Variants in PIEZO1 observed in about 807,000 individuals in gnomAD.
The protein encoded by PIEZO1 is piezo-type mechanosensitive ion channel component 1.
In PIEZO1, 296 loss-of-function variants were observed where a neutral mutation model predicts 297.2. The ratio of observed to expected loss-of-function variants is 1.00; its 90% CI spans 0.91 to 1.10. The LOEUF is 1.10. Among genes scored for constraint, PIEZO1 ranks in the 50% least tolerant of loss-of-function variants. The pLI, the probability that PIEZO1 is intolerant of heterozygous loss-of-function variation, is 0.00. For synonymous variants in PIEZO1, 2,427 were observed against 1,507.5 expected (o/e 1.61, Z -14.13); for missense variants, 5,018 against 3,455.5 (o/e 1.45, Z -11.34).
intron 1 of PIEZO1, among the ~76,000 whole-genome samples, chr16:88,756,651 C>CCAG (rs1426616857): frequency 6.6e-6 from 1 of 152,052 alleles, no homozygotes; most frequent in African/African-American, 2.4e-5. Context: ...GCCTGTAGTC[C>CCAG]CAGCTACTTG....
intron 22 of PIEZO1, among the ~76,000 whole-genome samples, chr16:88,729,661 A>G: frequency 6.9e-6 from 1 of 145,450 alleles, no homozygotes; most frequent in South Asian, 2.2e-4. Context: ...CGCGACCCAA[A>G]AACAAAGTGA....
chr16:88,744,194 G>A (rs74033385), intron 2 of PIEZO1: 2,047 of 154,404 alleles, frequency 0.013, 49 homozygotes, highest in African/African-American at 0.045. Context: ...TGAGAACACC[G>A]ACCCAGGGAA....
At chr16:88,781,092 C>T (rs1195431574) in intron 1 of PIEZO1, among the ~76,000 whole-genome samples, 2 of 152,268 alleles carry the variant, frequency 1.3e-5, no homozygotes, top group Non-Finnish European at 2.9e-5. Flanking sequence ...GCGGCTCTCA[C>T]TGGACCCTGA....
At position 88,722,218 on chromosome 16, in the gene PIEZO1, C is replaced by T; in HGVS notation, c.4955G>A (p.Arg1652Lys). ...MRTASELLLD[R>K]RLRIPELEEA... ...GGTGTTGTGCGCGTCCCGCCCCCAC[C>T]TGTCCAGGAGCAGCTCGCTGGCCGT... The change falls in exon 36 of 51, where the codon AGG becomes AAG. Residue 1652 changes from arginine (R) to lysine (K), a missense_variant and splice_region_variant. Arg to Lys is a conservative substitution (Grantham distance 26). Transcript: ENST00000301015. 1.9e-6 allele frequency: 3 copies of T among 1,545,932 alleles called. No individual in the cohort carries two copies. Among genetic ancestry groups the T allele is most frequent in the Non-Finnish European group, 2.6e-6 (3 of 1,146,580 alleles).
At chr16:88,784,802 CGCA>C in intron 1 of PIEZO1, 96 bp downstream of exon 1, 2 of 875,410 alleles carry the variant, frequency 2.3e-6, no homozygotes, top group South Asian at 2.3e-5. Context: ...CCCGCTCGCC[CGCA>C]GCCCTCGCCC....
rs147068633 is a variant in PIEZO1 at position 88,718,166 on chromosome 16, G to A, written c.6472-955C>T. 74 of 176,742 alleles carry A rather than the reference G, an allele frequency of 4.2e-4. No homozygotes were observed. In the East Asian group the frequency reaches 9.4e-3, roughly 23 times the overall value. The allele number at this position is 176,742 out of a possible 1,614,324, so 10.9% of individuals were successfully genotyped here. ...AGCACATGAAAAGACGCTCAGCGTC[G>A]GTCAACAGGGAACTGAGAAGAGCCC... On this transcript the variant is annotated intron_variant, in intron 44 of 50. Coordinates refer to ENST00000301015, the MANE Select transcript of PIEZO1 (RefSeq NM_001142864.4).
intron 39 of PIEZO1, 69 bp downstream of exon 39, chr16:88,721,097 G>A (rs180774313): frequency 6.1e-5 from 85 of 1,394,472 alleles, no homozygotes; most frequent in South Asian, 1.2e-4. Context: ...ATCTGAGAAA[G>A]ACCCTCCCTG....
chr16:88,752,590 C>T (rs1481434283), intron 1 of PIEZO1, among the ~76,000 whole-genome samples: 3 of 152,162 alleles, frequency 2.0e-5, no homozygotes, highest in Admixed American at 6.5e-5. Flanking sequence ...GGGGCTGGGG[C>T]TGGAGATGAG....
At position 88,742,433 on chromosome 16, in the gene PIEZO1, G is replaced by A. The variant is rs746900933; in HGVS notation, c.161-11C>T. 1.3e-6 allele frequency: 2 copies of A among 1,534,056 alleles called. No individual in the cohort carries two copies. Among genetic ancestry groups the A allele is most frequent in the Middle Eastern group, 1.9e-4 (1 of 5,284 alleles). ...GGCGGCCTGTGTGACCTGCGGCAGA[G>A]CGAGTGGGTGAGGCTGGTCCCGGGG... On this transcript the variant is annotated splice_polypyrimidine_tract_variant and intron_variant, in intron 2 of 50. Coordinates refer to ENST00000301015, the MANE Select transcript of PIEZO1 (RefSeq NM_001142864.4).
chr16:88,742,748 CAGT>C, intron 2 of PIEZO1: 1 of 369,684 alleles, frequency 2.7e-6, no homozygotes, highest in South Asian at 2.4e-5. Context: ...TGTCACCGTT[CAGT>C]TGTGGAAGCA....
intron 1 of PIEZO1, among the ~76,000 whole-genome samples, chr16:88,757,135 G>T (rs1906702924): frequency 6.6e-6 from 1 of 152,200 alleles, no homozygotes; most frequent in Non-Finnish European, 1.5e-5. Context: ...CTGGGGAAGG[G>T]AAGGGCTGAG....
Position 88,715,602 on chromosome 16 carries a change from C to G in PIEZO1, c.*3G>C. ...CTTCCCTCTCGGGCGCCAGCAGCAG[C>G]TCCTACTCCTTCTCACGAGTCCACT... On this transcript the variant is annotated 3_prime_UTR_variant, in exon 51 of 51. Transcript: ENST00000301015. The G allele has an allele frequency of 9.7e-6, 15 of 1,549,332 alleles. No individual in the cohort carries two copies. The highest frequency in any genetic ancestry group is 1.3e-5 in the Non-Finnish European group (15 of 1,146,664).
chr16:88,736,021 G>A, intron 12 of PIEZO1, 127 bp downstream of exon 12: 5 of 949,674 alleles, frequency 5.3e-6, no homozygotes, highest in Non-Finnish European at 6.2e-6. Context: ...GTGGGCAGAA[G>A]GGGACAGACA....
Position 88,715,397 on chromosome 16 carries a change from C to G in PIEZO1, c.*208G>C. ...TAATTAAAAAAAAAACTCTACAGTACACGTGGGGGACGGCAGCGCCACGCA... is the reference window on the plus strand; with the variant it reads ...TAATTAAAAAAAAAACTCTACAGTAGACGTGGGGGACGGCAGCGCCACGCA... On this transcript the variant is annotated 3_prime_UTR_variant, in exon 51 of 51. Transcript: ENST00000301015. 9.8e-7 allele frequency: 1 copy of G among 1,021,106 alleles called. No homozygotes were observed. Among genetic ancestry groups the G allele is most frequent in the Non-Finnish European group, 1.4e-6 (1 of 713,382 alleles). The allele number at this position is 1,021,106 out of a possible 1,614,324, so 63.3% of individuals were successfully genotyped here. A position where few individuals can be genotyped will look rare whatever the true frequency, so the allele number is the denominator to read the frequency against.
rs1279174615 is a variant in PIEZO1, at chr16:88,724,008, C to A, written c.4235-37G>T. The A allele has an allele frequency of 3.9e-6, 5 of 1,268,950 alleles. No homozygotes were observed. In the East Asian group the frequency reaches 1.0e-4, roughly 26 times the overall value. 78.6% of individuals were successfully genotyped at this position (1,268,950 alleles called of 1,614,324 possible). On this transcript the variant is annotated intron_variant, in intron 30 of 50. Coordinates refer to ENST00000301015, the MANE Select transcript of PIEZO1 (RefSeq NM_001142864.4). ...CAGCACTGAGAGCCAGCCTTCCATG[C>A]AGGGAGACTCCCAGCCAGACCCCCT...
intron 1 of PIEZO1, among the ~76,000 whole-genome samples, chr16:88,759,525 C>T (rs577864850): frequency 2.0e-5 from 3 of 152,298 alleles, no homozygotes; most frequent in South Asian, 2.1e-4. Context: ...GTGCTTTCGA[C>T]GGTGGGCGGG....
At position 88,733,892 on chromosome 16, in the gene PIEZO1, C is replaced by T. The variant is rs1905039309; in HGVS notation, c.2329+14G>A. 2 of 1,480,718 alleles carry T rather than the reference C, an allele frequency of 1.4e-6. No individual in the cohort carries two copies. Among genetic ancestry groups the T allele is most frequent in the South Asian group, 1.3e-5 (1 of 75,252 alleles). The allele number at this position is 1,480,718 out of a possible 1,614,324, so 91.7% of individuals were successfully genotyped here. On this transcript the variant is annotated intron_variant, in intron 17 of 50. Transcript: ENST00000301015. ...CAGACTGGGTGGCAGCTGTGCTCTG[C>T]CCGCCCAACCCACCTTCAGGCACCT...
rs559379549 is a variant in PIEZO1, at chr16:88,721,337, C to T, written c.5497G>A (p.Val1833Met). Residue 1833 changes from valine to methionine, a missense_variant, in exon 39 of 51, where the codon GTG becomes ATG. Val to Met is a conservative substitution (Grantham distance 21, BLOSUM62 1). Transcript: ENST00000301015. The stretch of plus-strand genomic sequence containing the variant: ...TGGTCTTCGGTGGTGGCCGCAGGCA[C>T]CCCTGGCCCCTCCTCGGCTCCCTGC... Reference protein sequence around the residue: ...EEQGAEEGPGVPAATTEDHIQ... With the variant: ...EEQGAEEGPGMPAATTEDHIQ... 37 of 1,547,828 alleles carry T rather than the reference C, an allele frequency of 2.4e-5. No homozygotes were observed. Among genetic ancestry groups the T allele is most frequent in the Non-Finnish European group, 3.1e-5 (36 of 1,146,914 alleles).
At position 88,721,911 on chromosome 16, in the gene PIEZO1, G is replaced by C. The variant is rs1316283291; in HGVS notation, c.5111C>G (p.Ser1704Cys). The C allele has an allele frequency of 3.2e-6, 5 of 1,550,206 alleles. No individual in the cohort carries two copies. Among genetic ancestry groups the C allele is most frequent in the East Asian group, 2.4e-5 (1 of 40,908 alleles). Residue 1704 changes from serine to cysteine, a missense_variant, in exon 37 of 51, where the codon TCC becomes TGC. By Grantham distance (112) the Ser-to-Cys change is moderately radical. Coordinates refer to ENST00000301015, the MANE Select transcript of PIEZO1 (RefSeq NM_001142864.4). Reference sequence around the variant, plus strand: ...CACGGGCAGCACCAGCGAGCCGGCGGAGGCCGTGACCATGTGGTTGAGGAT... The same window carrying C: ...CACGGGCAGCACCAGCGAGCCGGCGCAGGCCGTGACCATGTGGTTGAGGAT... ...IIILNHMVTA[S>C]AGSLVLPVLV...
Sources: allele counts gnomAD v4.1 joint callset (sites outside exome capture counted in the v4.1 genomes callset), GRCh38; gene constraint gnomAD v4.1.1; transcripts MANE v1.5; gene names NCBI Gene and HGNC (gene_info 2026-07-23, HGNC 2026-07-21).